Variants in HDGF observed in about 807,000 individuals in gnomAD.
HDGF encodes the protein heparin binding growth factor.
Under a neutral mutation model 30.0 loss-of-function variants are expected in HDGF, and 5 were observed. That is an observed-to-expected ratio of 0.17 (90% confidence interval 0.09 to 0.35). HDGF has a LOEUF of 0.35. HDGF is among the 10% of genes least tolerant of loss of function. The probability of loss-of-function intolerance (pLI) is 1.00; values close to 1 mark genes in which losing one functional copy is unlikely to be tolerated. For missense variants in HDGF, 214 were observed against 302.8 expected (o/e 0.71, Z 2.18); for synonymous variants, 133 against 112.7 (o/e 1.18, Z -1.14).
At chr1:156,758,592 CA>C (rs146810668) in intron 2 of HDGF, among the ~76,000 whole-genome samples, 27 of 85,996 alleles carry the variant, frequency 3.1e-4, no homozygotes, top group African/African-American at 8.8e-4. Context: ...GACTCCGTCT[CA>C]AAAAAAAAAA....
chr1:156,765,782 C>G (rs933968625), intron 1 of HDGF, among the ~76,000 whole-genome samples: 1 of 152,082 alleles, frequency 6.6e-6, no homozygotes, highest in Admixed American at 6.6e-5. Context: ...CTACTTTATC[C>G]ATTTTTCAAA....
chr1:156,763,264 C>A (rs1020038816), intron 1 of HDGF, among the ~76,000 whole-genome samples: 3 of 151,480 alleles, frequency 2.0e-5, no homozygotes, highest in Non-Finnish European at 2.9e-5. Flanking sequence ...CCAGGCTGGA[C>A]TGCAGTGGCG....
Position 156,751,279 on chromosome 1 carries a change from C to T in HDGF, c.87+64G>A. On this transcript the variant is annotated intron_variant, in intron 1 of 5. Coordinates refer to ENST00000357325, the MANE Select transcript of HDGF (RefSeq NM_004494.3). The surrounding 1 kb of genome is among the most constrained non-coding windows in gnomAD (Gnocchi z 4.7). ...CCCGCTCCGCGCGGAGCGCTCGTGC[C>T]CTTCCCGGTGTTATGCAACCCAAGC... 4 of 1,564,554 alleles carry T rather than the reference C, an allele frequency of 2.6e-6. No homozygotes were observed. The highest frequency in any genetic ancestry group is 3.5e-6 in the Non-Finnish European group (4 of 1,153,224).
At chr1:156,764,449 A>G (rs2102743569) in intron 1 of HDGF, among the ~76,000 whole-genome samples, 1 of 147,364 alleles carries the variant, frequency 6.8e-6, no homozygotes, top group South Asian at 2.2e-4. Flanking sequence ...CGCCCGCCTC[A>G]GCCTCCCAAA....
chr1:156,765,472 C>CTTTTTTTTTTTTTTTTTTTTTTTTT (rs71080793), intron 1 of HDGF, among the ~76,000 whole-genome samples: 2 of 85,982 alleles, frequency 2.3e-5, no homozygotes, highest in Non-Finnish European at 2.1e-5. Context: ...TTCTTTCTTT[C>CTTTTTTTTTTTTTTTTTTTTTTTTT]TTTTTTTTTT....
Position 156,743,397 on chromosome 1 carries a change from C to G in HDGF, c.*52G>C. The G allele has an allele frequency of 6.6e-7, 1 of 1,508,126 alleles. No homozygotes were observed. The highest frequency in any genetic ancestry group is 2.3e-5 in the Admixed American group (1 of 42,826). The allele number at this position is 1,508,126 out of a possible 1,614,324, so 93.4% of individuals were successfully genotyped here. On this transcript the variant is annotated 3_prime_UTR_variant, in exon 6 of 6. Coordinates refer to ENST00000357325, the MANE Select transcript of HDGF (RefSeq NM_004494.3). ...AGGCCATGGCCAGTTTCCCCAGTAG[C>G]ACCCAGACAGCAGCAGGAACAGGGT...
chr1:156,757,826 T>A (rs1267654507), intron 2 of HDGF, among the ~76,000 whole-genome samples: 1 of 151,294 alleles, frequency 6.6e-6, no homozygotes. Context: ...TAAAATTAAA[T>A]CCAGTTAAAT....
upstream of HDGF, among the ~76,000 whole-genome samples, chr1:156,767,339 C>T (rs748697622): frequency 2.4e-4 from 37 of 152,168 alleles, no homozygotes; most frequent in Non-Finnish European, 4.8e-4. Flanking sequence ...AACTACTCAC[C>T]CCAGGTGTCC....
intron 1 of HDGF, among the ~76,000 whole-genome samples, chr1:156,748,069 A>T (rs1650712478): frequency 6.6e-6 from 1 of 152,142 alleles, no homozygotes; most frequent in Admixed American, 6.5e-5. Context: ...TCTAGAGGGA[A>T]GAGAGAGGAA....
chr1:156,765,144 G>A (rs1370387934), intron 1 of HDGF, among the ~76,000 whole-genome samples: 2 of 148,962 alleles, frequency 1.3e-5, no homozygotes, highest in Non-Finnish European at 3.0e-5. Flanking sequence ...CCAGGCTGGA[G>A]TGCAATGGCG....
chr1:156,759,479 C>CTTTTTTTTTTTTTTTTTTTT (rs540212944), intron 1 of HDGF, among the ~76,000 whole-genome samples: 1 of 124,612 alleles, frequency 8.0e-6, no homozygotes, highest in Non-Finnish European at 1.7e-5. Flanking sequence ...ATACCCCATT[C>CTTTTTTTTTTTTTTTTTTTT]TTTTTTTTTT....
intron 1 of HDGF, among the ~76,000 whole-genome samples, chr1:156,766,219 A>G (rs140426378): frequency 6.6e-6 from 1 of 152,302 alleles, no homozygotes; most frequent in East Asian, 1.9e-4. Flanking sequence ...AGAGGATTCA[A>G]GCTTGGGCCT....
Position 156,743,435 on chromosome 1 carries a change from T to C in HDGF, c.*14A>G. 6.6e-7 allele frequency: 1 copy of C among 1,514,342 alleles called. No individual in the cohort carries two copies. The highest frequency in any genetic ancestry group is 1.3e-5 in the South Asian group (1 of 75,198). The allele number at this position is 1,514,342 out of a possible 1,614,324, so 93.8% of individuals were successfully genotyped here. A position where few individuals can be genotyped will look rare whatever the true frequency, so the allele number is the denominator to read the frequency against. Reference sequence around the variant, plus strand: ...GCAGGAACAGGGTGGGGGCTCCTCTTGAAACATTGGTGGCTACAGGCTGTG... The same window carrying C: ...GCAGGAACAGGGTGGGGGCTCCTCTCGAAACATTGGTGGCTACAGGCTGTG... On this transcript the variant is annotated 3_prime_UTR_variant, in exon 6 of 6. Transcript: ENST00000357325.
chr1:156,754,612 C>T (rs1033745689), upstream of HDGF, among the ~76,000 whole-genome samples: 6 of 152,186 alleles, frequency 3.9e-5, no homozygotes, highest in African/African-American at 1.2e-4. Context: ...CAGACGTTAA[C>T]GTGCAATCAA....
upstream of HDGF, among the ~76,000 whole-genome samples, chr1:156,757,064 A>T (rs986643707): frequency 2.0e-5 from 3 of 151,278 alleles, no homozygotes; most frequent in African/African-American, 4.9e-5. Context: ...AAGTGCTGGG[A>T]TTATAGGCAT....
intron 1 of HDGF, among the ~76,000 whole-genome samples, chr1:156,766,485 A>G (rs1651381034): frequency 6.6e-6 from 1 of 152,192 alleles, no homozygotes; most frequent in South Asian, 2.1e-4. Flanking sequence ...GGTAAACAAG[A>G]AAAGGATACA....
At chr1:156,750,906 A>G (rs978314479) in intron 1 of HDGF, among the ~76,000 whole-genome samples, 14 of 152,030 alleles carry the variant, frequency 9.2e-5, no homozygotes, top group Admixed American at 7.2e-4. Flanking sequence ...ATTAGGGGCG[A>G]CAATCCACGA....
At chr1:156,749,515 G>C (rs1650822612) in intron 1 of HDGF, among the ~76,000 whole-genome samples, 1 of 152,248 alleles carries the variant, frequency 6.6e-6, no homozygotes, top group Middle Eastern at 3.4e-3. Context: ...TTGAGATCCA[G>C]GCTGATCTCC....
At position 156,744,268 on chromosome 1, in the gene HDGF, A is replaced by T. The variant is rs1650350206; in HGVS notation, c.384T>A (p.Asn128Lys). 1 of 1,613,812 alleles carries T rather than the reference A, an allele frequency of 6.2e-7. No homozygotes were observed. The highest frequency in any genetic ancestry group is 8.5e-7 in the Non-Finnish European group (1 of 1,179,978). Residue 128 changes from asparagine (N) to lysine (K), a missense_variant, in exon 4 of 6, where the codon AAT (asparagine) becomes AAA (lysine). Physicochemically the swap from Asn to Lys is moderately conservative, Grantham distance 94 (BLOSUM62 0). Transcript: ENST00000357325. ...AAEGDGDKKGNAEGSSDEEGK... is the reference protein window; with the variant it reads ...AAEGDGDKKGKAEGSSDEEGK... The stretch of plus-strand genomic sequence containing the variant: ...CTTCCTCGTCGCTGCTGCCCTCTGC[A>T]TTCCCCTTCTTATCACCGTCACCCT...
Sources: gnomAD v4.1 joint callset for allele counts (sites outside exome capture counted in the v4.1 genomes callset) on GRCh38, gnomAD v4.1.1 for gene constraint, Gnocchi (gnomAD v3.1) non-coding constraint, MANE v1.5 for transcripts, NCBI Gene and HGNC (gene_info 2026-07-23, HGNC 2026-07-21) for gene names.